The following PAGE4 variants were observed in gnomAD, a reference collection of about 807,000 sequenced individuals.
PAGE4 encodes P antigen family member 4.
A neutral mutation model predicts 8.5 loss-of-function variants in PAGE4; 1 was observed. That is an observed-to-expected ratio of 0.12 (90% CI 0.04 to 0.56). The LOEUF (loss-of-function observed/expected upper bound fraction) is 0.56. Among genes scored for constraint, PAGE4 ranks in the 20% least tolerant of loss-of-function variants. The pLI is 0.91. For synonymous variants in PAGE4, 26 were observed against 26.3 expected (o/e 0.99, Z 0.04); for missense variants, 93 against 82.7 (o/e 1.13, Z -0.49).
Position 49,832,518 on chromosome X carries a change from A to C in PAGE4, c.167-7A>C, listed in dbSNP as rs781944071. 1.7e-6 allele frequency: 2 copies of C among 1,143,914 alleles called. No individual in the cohort carries two copies. Among genetic ancestry groups the C allele is most frequent in the Admixed American group, 2.4e-5 (1 of 41,254 alleles). The allele number at this position is 1,143,914 out of a possible 1,213,427, so 94.3% of individuals were successfully genotyped here. A position where few individuals can be genotyped will look rare whatever the true frequency, so the allele number is the denominator to read the frequency against. The stretch of plus-strand genomic sequence containing the variant: ...ACTTATATCAATAACTTTTTTATTT[A>C]TATAAGAACGTAAAGTAGAAGGTGA... On this transcript the variant is annotated splice_region_variant and splice_polypyrimidine_tract_variant and intron_variant, in intron 3 of 4. Coordinates refer to ENST00000218068, the MANE Select transcript of PAGE4 (RefSeq NM_007003.4).
intron 3 of PAGE4, chrX:49,831,462 T>C (rs1199471097): frequency 2.1e-5 from 3 of 144,421 alleles, no homozygotes; most frequent in East Asian, 2.0e-4. Context: ...CCATATATTA[T>C]GGTTAGATCT....
At chrX:49,831,756 T>A (rs1419673348) in intron 3 of PAGE4, among the ~76,000 whole-genome samples, 2 of 112,032 alleles carry the variant, frequency 1.8e-5, no homozygotes, top group Non-Finnish European at 3.8e-5. Flanking sequence ...GCTGAACCAC[T>A]TGAGAGTTTC....
chrX:49,832,782 CAG>C (rs1355708408), intron 4 of PAGE4, 132 bp downstream of exon 4: 12 of 543,449 alleles, frequency 2.2e-5, no homozygotes, highest in Non-Finnish European at 3.5e-5. Flanking sequence ...AAGACAGTGT[CAG>C]GGGAAAAATG....
Position 49,832,687 on chromosome X carries a change from C to T in PAGE4, c.292+37C>T, listed in dbSNP as rs45484997. 3.7e-3 allele frequency: 4,176 copies of T among 1,121,430 alleles called. 10 individuals are homozygous for T. The highest frequency in any genetic ancestry group is 4.4e-3 in the Non-Finnish European group (3,698 of 831,598). 92.4% of individuals were successfully genotyped at this position (1,121,430 alleles called of 1,213,427 possible). On this transcript the variant is annotated intron_variant, in intron 4 of 4. Coordinates refer to ENST00000218068, the MANE Select transcript of PAGE4 (RefSeq NM_007003.4). ...ATTCGGAATGGAAGTCATGGGGTTACTCTTTTTCTATAATATACTTTAATA... is the reference window on the plus strand; with the variant it reads ...ATTCGGAATGGAAGTCATGGGGTTATTCTTTTTCTATAATATACTTTAATA...
intron 1 of PAGE4, chrX:49,829,560 A>C (rs1171926677): frequency 1.8e-5 from 2 of 111,893 alleles, no homozygotes; most frequent in Non-Finnish European, 3.8e-5. Flanking sequence ...GCGGGACACT[A>C]TCTGAGTCCT....
intron 4 of PAGE4, 150 bp downstream of exon 4, chrX:49,832,800 G>A: frequency 2.1e-6 from 1 of 467,195 alleles, no homozygotes; most frequent in Non-Finnish European, 3.5e-6. Flanking sequence ...AAATGAATTA[G>A]GTCAAAGCCA....
chrX:49,831,518 T>C (rs1218879589), intron 3 of PAGE4, among the ~76,000 whole-genome samples: 1 of 112,301 alleles, frequency 8.9e-6, no homozygotes, highest in African/African-American at 3.2e-5. Context: ...GAAATAAAAA[T>C]GTGAAATCCT....
In PAGE4 at chrX:49,830,999, C is replaced by G. The variant is rs78248125; in HGVS notation, c.81C>G (p.Pro27=). ...EAPDVVAFVA[P]GESQQEEPPT... The stretch of plus-strand genomic sequence containing the variant: ...TACTCTCCCCCACCTCTCAAAAGCC[C>G]GGTGAATCTCAGCAAGAGGAACCAC... Residue 27 remains proline, a splice_region_variant and synonymous_variant, in exon 3 of 5, where the codon CCC becomes CCG. Coordinates refer to ENST00000218068, the MANE Select transcript of PAGE4 (RefSeq NM_007003.4). 1.7e-6 allele frequency: 2 copies of G among 1,178,463 alleles called. No homozygotes were observed.
At chrX:49,832,836 G>A (rs1923519607) in intron 4 of PAGE4, among the ~76,000 whole-genome samples, 186 bp downstream of exon 4, 2 of 111,906 alleles carry the variant, frequency 1.8e-5, no homozygotes, top group African/African-American at 6.5e-5. Flanking sequence ...AAATATGAAA[G>A]TATTATTACT....
Position 49,834,136 on chromosome X carries a change from G to T in PAGE4, c.*274G>T, listed in dbSNP as rs1462762552. On this transcript the variant is annotated 3_prime_UTR_variant, in exon 5 of 5. Coordinates refer to ENST00000218068, the MANE Select transcript of PAGE4 (RefSeq NM_007003.4). ...GCCTATTCTGTTGGTTTATCCCTAC[G>T]TCCTTTTGGATTTTCTCCATACACA... Among the ~76,000 whole-genome samples the T allele has an allele frequency of 3.6e-5, 4 of 111,589 alleles. No homozygotes were observed. Among genetic ancestry groups the T allele is most frequent in the Admixed American group, 9.5e-5 (1 of 10,539 alleles).
At position 49,832,253 on chromosome X, in the gene PAGE4, A is replaced by G. The variant is rs1203754917; in HGVS notation, c.167-272A>G. 2.7e-5 allele frequency among the ~76,000 whole-genome samples: 3 copies of G among 112,147 alleles called. No homozygotes were observed. The East Asian group carries it at 8.3e-4, about 31-fold the overall frequency. On this transcript the variant is annotated intron_variant, in intron 3 of 4. Transcript: ENST00000218068. Reference sequence around the variant, plus strand: ...GCTCACAATCTAATCAGGGAAATTCATGTAAACAAATAACTGCTGTAATGA... The same window carrying G: ...GCTCACAATCTAATCAGGGAAATTCGTGTAAACAAATAACTGCTGTAATGA...
Position 49,832,626 on chromosome X carries a change from A to T in PAGE4, c.268A>T (p.Lys90Ter). ...DVKEKTPPNP[K>*]HAKTKEAGDG... The stretch of plus-strand genomic sequence containing the variant: ...AAAAGAGAAGACTCCACCTAATCCT[A>T]AGCATGCTAAGACTAAAGAAGCAGG... Residue 90 changes from lysine to a stop codon, truncating the protein, a stop_gained, in exon 4 of 5, where the codon AAG becomes TAG. Coordinates refer to ENST00000218068, the MANE Select transcript of PAGE4 (RefSeq NM_007003.4). LOFTEE classifies it high-confidence loss of function. The T allele has an allele frequency of 8.3e-7, 1 of 1,201,616 alleles. No homozygotes were observed. Among genetic ancestry groups the T allele is most frequent in the South Asian group, 1.8e-5 (1 of 54,851 alleles).
At chrX:49,829,423 C>T (rs182751818) in intron 1 of PAGE4, 72 bp downstream of exon 1, 2 of 112,306 alleles carry the variant, frequency 1.8e-5, no homozygotes, top group Admixed American at 1.9e-4. Context: ...TCCCTGGCCT[C>T]AGAGAAGGAA....
chrX:49,830,400 C>T lies in PAGE4; in HGVS notation c.-29C>T. On this transcript the variant is annotated splice_region_variant and 5_prime_UTR_variant, in exon 2 of 5. Transcript: ENST00000218068. ...TATAATTACTCCTTTTTATTGCAGT[C>T]TTCAGTTCACGATCTTCTAGTTGCA... 9.4e-7 allele frequency: 1 copy of T among 1,063,740 alleles called. No homozygotes were observed. The highest frequency in any genetic ancestry group is 2.0e-5 in the South Asian group (1 of 48,797). 87.7% of individuals were successfully genotyped at this position (1,063,740 alleles called of 1,213,427 possible).
At chrX:49,830,555 TGAAA>T (rs1350446294) in intron 2 of PAGE4, 49 bp downstream of exon 2, 2 of 906,533 alleles carry the variant, frequency 2.2e-6, no homozygotes, top group Non-Finnish European at 3.1e-6. Context: ...TGTATTTTTC[TGAAA>T]GAAAATCTAA....
rs202162113 is a variant in PAGE4, at chrX:49,830,445, G to T, written c.17G>T (p.Arg6Ile). The T allele has an allele frequency of 8.3e-7, 1 of 1,203,065 alleles. No individual in the cohort carries two copies. The highest frequency in any genetic ancestry group is 3.0e-5 in the East Asian group (1 of 33,655). ...GTTGCAGCGATGAGTGCACGAGTGA[G>T]ATCAAGATCCAGAGGAAGAGGAGAT... Reference protein sequence around the residue: MSARVRSRSRGRGDGQ... With the variant: MSARVISRSRGRGDGQ... The change falls in exon 2 of 5, where the codon AGA becomes ATA. Residue 6 changes from arginine to isoleucine, a missense_variant. Coordinates refer to ENST00000218068, the MANE Select transcript of PAGE4 (RefSeq NM_007003.4).
chrX:49,831,184 A>G (rs956130315), intron 3 of PAGE4, 100 bp downstream of exon 3: 2 of 537,838 alleles, frequency 3.7e-6, no homozygotes, highest in Non-Finnish European at 6.2e-6. Context: ...GGAAACCTGT[A>G]AAGTAATCCT....
In PAGE4 at chrX:49,833,963, TGAA is replaced by T. The variant is rs1461733534; in HGVS notation, c.*106_*108del. ...CTCTCAATAAAGTTTGAGTTTTCTC[TGAA>T]GAAGTCATGCGTGTCTTTTGTAAAA... On this transcript the variant is annotated 3_prime_UTR_variant, in exon 5 of 5. Transcript: ENST00000218068. The T allele has an allele frequency of 1.2e-5, 7 of 582,696 alleles. No individual in the cohort carries two copies. The highest frequency in any genetic ancestry group is 2.0e-5 in the Non-Finnish European group (7 of 354,067). 48.0% of individuals were successfully genotyped at this position (582,696 alleles called of 1,213,427 possible).
chrX:49,832,782 C>T, intron 4 of PAGE4, 132 bp downstream of exon 4: 2 of 545,061 alleles, frequency 3.7e-6, no homozygotes, highest in Admixed American at 4.0e-5. Context: ...AAGACAGTGT[C>T]AGGGGAAAAA....
Sources: allele counts gnomAD v4.1 joint callset (sites outside exome capture counted in the v4.1 genomes callset), GRCh38; gene constraint gnomAD v4.1.1; transcripts MANE v1.5; gene names NCBI Gene and HGNC (gene_info 2026-07-23, HGNC 2026-07-21).